Variants in TRPM6 observed in about 807,000 individuals in gnomAD.
TRPM6 encodes transient receptor potential cation channel subfamily M member 6, also known as channel kinase 2.
In TRPM6, 111 loss-of-function variants were observed where a neutral mutation model predicts 247.6. That is an observed-to-expected ratio of 0.45 (90% CI 0.38 to 0.52). The LOEUF is 0.52. TRPM6 is among the 20% of genes least tolerant of loss of function. The pLI is 0.00. For synonymous variants in TRPM6, 892 were observed against 853.8 expected, an observed-to-expected ratio of 1.04 and a Z score of -0.78; for missense variants, 2,126 against 2,421.5, an observed-to-expected ratio of 0.88 and a Z score of 2.56.
chr9:74,774,706 A>G (rs774104277), intron 24 of TRPM6, among the ~76,000 whole-genome samples: 13 of 152,202 alleles, frequency 8.5e-5, no homozygotes, highest in South Asian at 8.3e-4. Context: ...TTCTAGTTTC[A>G]GAAAATTAAT....
intron 3 of TRPM6, among the ~76,000 whole-genome samples, chr9:74,849,403 A>G (rs1830218561): frequency 6.6e-6 from 1 of 151,664 alleles, no homozygotes; most frequent in Non-Finnish European, 1.5e-5. Flanking sequence ...AGGATGAAGG[A>G]TTAATTTGAT....
intron 5 of TRPM6, among the ~76,000 whole-genome samples, chr9:74,837,917 T>C (rs1236363835): frequency 6.6e-6 from 1 of 152,070 alleles, no homozygotes; most frequent in African/African-American, 2.4e-5. Flanking sequence ...ATCCAGCTAA[T>C]TTCTGCAATT....
chr9:74,805,295 C>G (rs1395697951), intron 14 of TRPM6, among the ~76,000 whole-genome samples: 2 of 152,064 alleles, frequency 1.3e-5, no homozygotes, highest in Non-Finnish European at 2.9e-5. Context: ...GAAGATCATC[C>G]GCAAACCTAT....
At chr9:74,808,561 A>G (rs1011713815) in intron 13 of TRPM6, among the ~76,000 whole-genome samples, 3 of 152,232 alleles carry the variant, frequency 2.0e-5, no homozygotes, top group Non-Finnish European at 4.4e-5. Context: ...ACAAGTAGAA[A>G]AACAAATAAA....
chr9:74,865,271 G>T (rs1830812022), intron 1 of TRPM6, among the ~76,000 whole-genome samples: 1 of 152,110 alleles, frequency 6.6e-6, no homozygotes, highest in Admixed American at 6.6e-5. Flanking sequence ...TTTCCAAATT[G>T]GTTGAAGCCC....
chr9:74,734,905 C>T lies in TRPM6; in HGVS notation c.5777-2169G>A, dbSNP rs775868121. Among the ~76,000 whole-genome samples the T allele has an allele frequency of 2.8e-4, 42 of 152,194 alleles. 1 individual carries two copies. Among genetic ancestry groups the T allele is most frequent in the Admixed American group, 7.9e-4 (12 of 15,274 alleles). On this transcript the variant is annotated intron_variant, in intron 36 of 38. Coordinates refer to ENST00000360774, the MANE Select transcript of TRPM6 (RefSeq NM_017662.5). ...TGGGGCACACAAATGGCAGAAGGAC[C>T]TTTCAGTGTGTGAAAATAGAGAATA...
chr9:74,772,959 A>G (rs181525754), intron 24 of TRPM6, among the ~76,000 whole-genome samples: 3 of 151,884 alleles, frequency 2.0e-5, no homozygotes, highest in Admixed American at 2.0e-4. Flanking sequence ...AGCTCCTTAA[A>G]ACAAACAAAC....
intron 6 of TRPM6, among the ~76,000 whole-genome samples, chr9:74,832,134 C>A (rs1251524315): frequency 3.3e-5 from 5 of 151,928 alleles, no homozygotes; most frequent in Non-Finnish European, 5.9e-5. Flanking sequence ...ATCAAACTAC[C>A]AATTTACAGA....
Position 74,762,559 on chromosome 9 carries a change from T to C in TRPM6, c.4112A>G (p.Asp1371Gly). 1.9e-6 allele frequency: 3 copies of C among 1,614,142 alleles called. No individual in the cohort carries two copies. Among genetic ancestry groups the C allele is most frequent in the Non-Finnish European group, 2.5e-6 (3 of 1,180,020 alleles). ...GATGTCCTGTTCAGTTGCCAGCACA[T>C]CTGGCACAGAGGGTCTGGACAGAGG... Reference protein sequence around the residue: ...VLPLSRPSVPDVLATEQDIQT... With the variant: ...VLPLSRPSVPGVLATEQDIQT... Residue 1371 changes from aspartate (D) to glycine (G), a missense_variant, in exon 26 of 39, where the codon GAT becomes GGT. Asp to Gly is a moderately conservative substitution (Grantham distance 94). Coordinates refer to ENST00000360774, the MANE Select transcript of TRPM6 (RefSeq NM_017662.5).
chr9:74,853,500 T>A (rs1209063489), intron 3 of TRPM6, among the ~76,000 whole-genome samples: 1 of 152,202 alleles, frequency 6.6e-6, no homozygotes. Context: ...AGACTCCATT[T>A]TGTTCTGTAC....
At chr9:74,850,077 A>G (rs951627537) in intron 3 of TRPM6, among the ~76,000 whole-genome samples, 1 of 152,246 alleles carries the variant, frequency 6.6e-6, no homozygotes, top group Non-Finnish European at 1.5e-5. Context: ...ATCTCTTCAG[A>G]GAACTAGAAC....
intron 25 of TRPM6, among the ~76,000 whole-genome samples, chr9:74,766,793 C>T (rs1826841439): frequency 6.6e-6 from 1 of 151,930 alleles, no homozygotes; most frequent in African/African-American, 2.4e-5. Context: ...ACCTGTAATC[C>T]CAGCTACTGG....
intron 32 of TRPM6, among the ~76,000 whole-genome samples, chr9:74,743,888 A>C (rs1825944322): frequency 6.6e-6 from 1 of 152,248 alleles, no homozygotes; most frequent in Non-Finnish European, 1.5e-5. Context: ...TTTTGCAAAA[A>C]TGCAAATTCT....
At chr9:74,804,833 A>G (rs1215385961) in intron 14 of TRPM6, 1 of 456,768 alleles carries the variant, frequency 2.2e-6, no homozygotes, top group Non-Finnish European at 3.9e-6. Context: ...AATAAACATC[A>G]GTTTCTAAAA....
Position 74,869,829 on chromosome 9 carries a change from T to C in TRPM6, c.34-11081A>G, listed in dbSNP as rs531331657. 5.9e-5 allele frequency among the ~76,000 whole-genome samples: 9 copies of C among 151,862 alleles called. No homozygotes were observed. In the South Asian group the frequency reaches 1.5e-3, roughly 25 times the overall value. On this transcript the variant is annotated intron_variant, in intron 1 of 38. Transcript: ENST00000360774. ...GTGGGGAGGGAAGGAAGGAAGGAAA[T>C]GGTATGGACAGCTGAAGAGGAAGGC...
intron 23 of TRPM6, 177 bp from the exon 24 acceptor site, chr9:74,776,253 T>C (rs947583812): frequency 1.6e-6 from 1 of 630,390 alleles, no homozygotes; most frequent in Non-Finnish European, 2.9e-6. Flanking sequence ...ATTAGCTACC[T>C]TCTACAATGA....
At chr9:74,776,201 C>T (rs1226804482) in intron 23 of TRPM6, 125 bp from the exon 24 acceptor site, 3 of 807,436 alleles carry the variant, frequency 3.7e-6, no homozygotes, top group African/African-American at 1.7e-5. Flanking sequence ...AATACAAATA[C>T]TATCCACGTG....
chr9:74,841,678 A>T (rs980255339), intron 4 of TRPM6, among the ~76,000 whole-genome samples: 1 of 151,838 alleles, frequency 6.6e-6, no homozygotes. Flanking sequence ...TAAATTTTGT[A>T]TTTTTTAGTA....
chr9:74,829,348 T>C (rs1268708706), intron 6 of TRPM6, among the ~76,000 whole-genome samples: 1 of 152,180 alleles, frequency 6.6e-6, no homozygotes, highest in African/African-American at 2.4e-5. Context: ...CAGTATTTCA[T>C]TCATTATAAA....
Sources: gnomAD v4.1 joint callset for allele counts (sites outside exome capture counted in the v4.1 genomes callset) on GRCh38, gnomAD v4.1.1 for gene constraint, MANE v1.5 for transcripts, NCBI Gene and HGNC (gene_info 2026-07-23, HGNC 2026-07-21) for gene names.